The following CDH2 variants were observed in gnomAD, a reference collection of about 807,000 sequenced individuals.
CDH2 encodes cadherin 2, also known as cadherin-2.
In CDH2, 17 loss-of-function variants were observed where a neutral mutation model predicts 92.0. That is an observed-to-expected ratio of 0.18 (90% CI 0.13 to 0.28). The LOEUF is 0.28. Among genes scored for constraint, CDH2 ranks in the 10% least tolerant of loss-of-function variants. The pLI is 1.00. For synonymous variants in CDH2, 419 were observed against 415.9 expected, an observed-to-expected ratio of 1.01 and a Z score of -0.09; for missense variants, 862 against 1,133.1, an observed-to-expected ratio of 0.76 and a Z score of 3.44.
intron 2 of CDH2, among the ~76,000 whole-genome samples, chr18:28,122,117 T>C (rs2015598509): frequency 2.0e-5 from 3 of 152,090 alleles, no homozygotes; most frequent in South Asian, 2.1e-4. Flanking sequence ...CCTGGTACCA[T>C]ATGCCCAAAA....
chr18:28,036,550 C>T lies in CDH2; in HGVS notation c.173-22641G>A, dbSNP rs763294102. ...CACATAACGCCTTAATAAAAACATG[C>T]CATCAAGTTTCCATTTCCCATAATT... On this transcript the variant is annotated intron_variant, in intron 2 of 15. Transcript: ENST00000269141. 12 of 1,598,244 alleles carry T rather than the reference C, an allele frequency of 7.5e-6. No homozygotes were observed. The South Asian group carries it at 1.3e-4, about 18-fold the overall frequency.
intron 2 of CDH2, among the ~76,000 whole-genome samples, chr18:28,142,462 T>C (rs1409595720): frequency 6.6e-6 from 1 of 151,106 alleles, no homozygotes; most frequent in Non-Finnish European, 1.5e-5. Context: ...TAAGCCTAAA[T>C]GATTGCTATG....
At chr18:28,143,043 G>A (rs1330587012) in intron 2 of CDH2, among the ~76,000 whole-genome samples, 2 of 151,986 alleles carry the variant, frequency 1.3e-5, no homozygotes, top group East Asian at 3.9e-4. Flanking sequence ...GCCTCAATCA[G>A]TAAGCACACT....
At chr18:28,148,229 T>A (rs550766277) in intron 1 of CDH2, among the ~76,000 whole-genome samples, 5 of 152,288 alleles carry the variant, frequency 3.3e-5, no homozygotes, top group African/African-American at 1.2e-4. Flanking sequence ...GGTTTCAAGA[T>A]GCCATGTTCA....
intron 14 of CDH2, among the ~76,000 whole-genome samples, chr18:27,981,902 C>T (rs1223745528): frequency 6.6e-6 from 1 of 151,264 alleles, no homozygotes; most frequent in Non-Finnish European, 1.5e-5. Context: ...AGATAACTAT[C>T]AAATGTATCT....
rs1598982558 is a variant in CDH2, at chr18:27,952,354, A to G, written c.2520T>C (p.Leu840=). The change falls in exon 16 of 16, where the codon CTT becomes CTC. Residue 840 remains leucine, a synonymous_variant. Coordinates refer to ENST00000269141, the MANE Select transcript of CDH2 (RefSeq NM_001792.5). ...GDIGDFINEG[L]KAADNDPTAP... Reference sequence around the variant, plus strand: ...CTGTGGGGTCATTGTCAGCCGCTTTAAGGCCCTGCAATTTGGAAACACAAA... The same window carrying G: ...CTGTGGGGTCATTGTCAGCCGCTTTGAGGCCCTGCAATTTGGAAACACAAA... The G allele has an allele frequency of 3.7e-6, 6 of 1,613,172 alleles. No individual in the cohort carries two copies. The East Asian group carries it at 1.3e-4, about 36-fold the overall frequency.
At chr18:27,985,340 G>A (rs113180573) in intron 12 of CDH2, 107 bp from the exon 13 acceptor site, 49 of 789,968 alleles carry the variant, frequency 6.2e-5, no homozygotes, top group Admixed American at 5.3e-4. Context: ...CACATAAAGC[G>A]GATTACAACT....
chr18:28,141,593 C>T (rs753293233), intron 2 of CDH2, among the ~76,000 whole-genome samples: 26 of 148,998 alleles, frequency 1.7e-4, no homozygotes, highest in Non-Finnish European at 3.8e-4. Flanking sequence ...CACTTTGATC[C>T]ACACCACCTT....
At chr18:28,172,027 G>C (rs1322676250) in intron 1 of CDH2, among the ~76,000 whole-genome samples, 3 of 151,956 alleles carry the variant, frequency 2.0e-5, no homozygotes, top group African/African-American at 7.3e-5. Context: ...ACTGTACTCA[G>C]TGTTGCAGGA....
chr18:28,026,413 A>G (rs2013554753), intron 2 of CDH2, among the ~76,000 whole-genome samples: 1 of 152,166 alleles, frequency 6.6e-6, no homozygotes, highest in Non-Finnish European at 1.5e-5. Flanking sequence ...ATCTTGGTTA[A>G]TGTCTTTTGA....
At chr18:28,169,397 G>T (rs190407832) in intron 1 of CDH2, among the ~76,000 whole-genome samples, 3 of 152,248 alleles carry the variant, frequency 2.0e-5, no homozygotes, top group African/African-American at 7.2e-5. Context: ...GTGTATTTTA[G>T]TAATGAAGGG....
At position 27,992,549 on chromosome 18, in the gene CDH2, G is replaced by A. The variant is rs373824913; in HGVS notation, c.1344+106C>T. On this transcript the variant is annotated intron_variant, in intron 9 of 15. Coordinates refer to ENST00000269141, the MANE Select transcript of CDH2 (RefSeq NM_001792.5). Reference sequence around the variant, plus strand: ...ATCAGACCCACATCTGGAGATGTCTGAAAGAAAAACGTCCTAAGTTTCCAT... The same window carrying A: ...ATCAGACCCACATCTGGAGATGTCTAAAAGAAAAACGTCCTAAGTTTCCAT... 106 of 928,532 alleles carry A rather than the reference G, an allele frequency of 1.1e-4. 2 individuals are homozygous for A. The South Asian group carries it at 1.9e-3, about 17-fold the overall frequency. 57.5% of individuals were successfully genotyped at this position (928,532 alleles called of 1,614,324 possible).
chr18:28,083,344 T>C (rs184347194), intron 2 of CDH2, among the ~76,000 whole-genome samples: 5 of 152,170 alleles, frequency 3.3e-5, no homozygotes, highest in East Asian at 1.9e-4. Flanking sequence ...TTTGATCCAA[T>C]AGAAACATGG....
intron 11 of CDH2, among the ~76,000 whole-genome samples, chr18:27,987,728 A>AT (rs904613577): frequency 3.9e-4 from 60 of 152,318 alleles, no homozygotes; most frequent in African/African-American, 1.4e-3. Context: ...TGTAGAAGTC[A>AT]TTACATTTTA....
intron 15 of CDH2, 85 bp from the exon 16 acceptor site, chr18:27,952,444 G>T: frequency 9.8e-7 from 1 of 1,018,924 alleles, no homozygotes; most frequent in East Asian, 2.4e-5. Flanking sequence ...TGAATTCACG[G>T]GATCAAACAA....
In CDH2 at chr18:28,022,125, G is replaced by GA. The variant is rs928192676; in HGVS notation, c.173-8217dup. ...ACATAACGAATTTGCTCATAAATCT[G>GA]AAAAAAAATCTGCTTAGGTAACATT... On this transcript the variant is annotated intron_variant, in intron 2 of 15. Transcript: ENST00000269141. Among the ~76,000 whole-genome samples the GA allele has an allele frequency of 3.3e-4, 50 of 151,058 alleles. 1 individual carries two copies. The highest frequency in any genetic ancestry group is 3.2e-3 in the Admixed American group (49 of 15,188).
At chr18:27,939,329 T>C (rs1025470711) in intron 6 of CDH2, among the ~76,000 whole-genome samples, 2 of 151,996 alleles carry the variant, frequency 1.3e-5, no homozygotes, top group African/African-American at 2.4e-5. Context: ...AATCTGTCAC[T>C]CCCCACTGCA....
At chr18:28,102,563 GA>G (rs1406154259) in intron 2 of CDH2, among the ~76,000 whole-genome samples, 1 of 152,136 alleles carries the variant, frequency 6.6e-6, no homozygotes, top group African/African-American at 2.4e-5. Context: ...GGTGCCTTGG[GA>G]AAGAGCAATT....
At chr18:27,965,488 A>G (rs950125128) in intron 14 of CDH2, among the ~76,000 whole-genome samples, 7 of 152,356 alleles carry the variant, frequency 4.6e-5, no homozygotes, top group Middle Eastern at 3.4e-3. Flanking sequence ...CCATTTTGGG[A>G]GAGTCCACAG....
Sources: gnomAD v4.1 joint callset for allele counts (sites outside exome capture counted in the v4.1 genomes callset) on GRCh38, gnomAD v4.1.1 for gene constraint, MANE v1.5 for transcripts, NCBI Gene and HGNC (gene_info 2026-07-23, HGNC 2026-07-21) for gene names.